The following CACNG5 variants were observed in gnomAD, a reference collection of about 807,000 sequenced individuals.
The protein encoded by CACNG5 is voltage-dependent calcium channel gamma-5 subunit.
A neutral mutation model predicts 24.8 loss-of-function variants in CACNG5; 18 were observed. The ratio of observed to expected loss-of-function variants is 0.73; its 90% confidence interval spans 0.50 to 1.08. The LOEUF is 1.08. Ranked by LOEUF, CACNG5 falls within the 50% of genes least tolerant of loss-of-function variation. CACNG5 has a pLI of 0.00. For synonymous variants in CACNG5, 157 were observed against 149.1 expected, an observed-to-expected ratio of 1.05 and a Z score of -0.39; for missense variants, 349 against 367.9, an observed-to-expected ratio of 0.95 and a Z score of 0.42.
intron 1 of CACNG5, among the ~76,000 whole-genome samples, chr17:66,851,389 G>T (rs1976708314): frequency 6.6e-6 from 1 of 152,232 alleles, no homozygotes; most frequent in Admixed American, 6.5e-5. Flanking sequence ...TTGAGGGGAA[G>T]CCTTGCTGAA....
chr17:66,837,585 C>A (rs1286523197), intron 1 of CACNG5, among the ~76,000 whole-genome samples: 1 of 152,220 alleles, frequency 6.6e-6, no homozygotes, highest in African/African-American at 2.4e-5. Context: ...CACCAAATAT[C>A]ATCCTGTTCC....
chr17:66,841,023 G>A (rs1976559860), intron 1 of CACNG5, among the ~76,000 whole-genome samples: 1 of 152,200 alleles, frequency 6.6e-6, no homozygotes, highest in Non-Finnish European at 1.5e-5. Flanking sequence ...AGTTAATTTA[G>A]GAAGTTGATT....
At position 66,877,286 on chromosome 17, in the gene CACNG5, T is replaced by C. The variant is rs1420464681; in HGVS notation, c.-47T>C. ...CTCCCTAGCCCCAGAGCGCAGTCCG[T>C]GCTGGTGGGAGCGTGGCGACTAGTT... On this transcript the variant is annotated 5_prime_UTR_variant, in exon 2 of 6. Coordinates refer to ENST00000533854, the MANE Select transcript of CACNG5 (RefSeq NM_145811.3). 49 of 1,546,302 alleles carry C rather than the reference T, an allele frequency of 3.2e-5. No homozygotes were observed. The highest frequency in any genetic ancestry group is 4.4e-5 in the Non-Finnish European group (49 of 1,126,070).
intron 1 of CACNG5, among the ~76,000 whole-genome samples, chr17:66,856,485 T>C (rs999381744): frequency 6.6e-6 from 1 of 151,740 alleles, no homozygotes; most frequent in Non-Finnish European, 1.5e-5. Context: ...CTGACATTGA[T>C]ATAGTCAAGG....
intron 1 of CACNG5, among the ~76,000 whole-genome samples, chr17:66,839,394 G>A (rs1020328683): frequency 2.0e-5 from 3 of 152,104 alleles, no homozygotes; most frequent in Non-Finnish European, 2.9e-5. Flanking sequence ...TGTTTCTTAG[G>A]AGCAAGCATT....
intron 1 of CACNG5, among the ~76,000 whole-genome samples, chr17:66,874,800 C>G (rs1486271132): frequency 6.6e-6 from 1 of 152,142 alleles, no homozygotes; most frequent in Non-Finnish European, 1.5e-5. Flanking sequence ...AGTGTAAGTT[C>G]AAGGCTCTGT....
In CACNG5 at chr17:66,893,472, T is replaced by A. The variant is rs1235610730; in HGVS notation, c.*8232T>A. Reference sequence around the variant, plus strand: ...TGGTGGAACCTCGCCACACTCTTGTTCTGGATAAATTGAAGCAACTGGAGA... The same window carrying A: ...TGGTGGAACCTCGCCACACTCTTGTACTGGATAAATTGAAGCAACTGGAGA... On this transcript the variant is annotated 3_prime_UTR_variant, in exon 6 of 6. Transcript: ENST00000533854. Among the ~76,000 whole-genome samples the A allele has an allele frequency of 6.6e-6, 1 of 152,208 alleles. No individual in the cohort carries two copies. The highest frequency in any genetic ancestry group is 2.4e-5 in the African/African-American group (1 of 41,454).
chr17:66,855,950 A>C (rs12945512), intron 1 of CACNG5, among the ~76,000 whole-genome samples: 21,919 of 152,230 alleles, frequency 0.14, 1,891 homozygotes, highest in East Asian at 0.38. Context: ...ATTAGCAAAC[A>C]AACTATTGAT....
At chr17:66,838,979 T>TTTTTTTTA (rs1976524284) in intron 1 of CACNG5, among the ~76,000 whole-genome samples, 1 of 145,830 alleles carries the variant, frequency 6.9e-6, no homozygotes, top group African/African-American at 2.6e-5. Flanking sequence ...TTTTTTTTTT[T>TTTTTTTTA]GAGACAGAGT....
chr17:66,888,492 C>A lies in CACNG5; in HGVS notation c.*3252C>A, dbSNP rs531416018. 1.4e-5 allele frequency among the ~76,000 whole-genome samples: 2 copies of A among 139,868 alleles called. No individual in the cohort carries two copies. Among genetic ancestry groups the A allele is most frequent in the African/African-American group, 5.3e-5 (2 of 37,700 alleles). The allele number at this position is 139,868 out of a possible 152,430, so 91.8% of individuals were successfully genotyped here. On this transcript the variant is annotated 3_prime_UTR_variant, in exon 6 of 6. Transcript: ENST00000533854. ...CTGGGAGGCAGAGCTTGCAGTGAGC[C>A]GAGATCGCACCACTGCACTCCAGCC...
At chr17:66,844,168 A>G (rs565161161) in intron 1 of CACNG5, among the ~76,000 whole-genome samples, 1 of 152,324 alleles carries the variant, frequency 6.6e-6, no homozygotes, top group Non-Finnish European at 1.5e-5. Flanking sequence ...AGTCTTTATA[A>G]GCATCCTGTT....
intron 4 of CACNG5, among the ~76,000 whole-genome samples, chr17:66,882,972 C>A (rs138399210): frequency 7.2e-6 from 1 of 138,116 alleles, no homozygotes; most frequent in Non-Finnish European, 1.6e-5. Flanking sequence ...TCCATCCATC[C>A]ATCAATCCAT....
Position 66,867,046 on chromosome 17 carries a change from C to G in CACNG5, c.-103-10184C>G, listed in dbSNP as rs181622459. Among the ~76,000 whole-genome samples the G allele has an allele frequency of 1.6e-3, 242 of 152,344 alleles. 1 individual carries two copies. The highest frequency in any genetic ancestry group is 5.7e-3 in the African/African-American group (236 of 41,582). ...TCTAGATCCTTGAGGAATATCCATA[C>G]TGTCTTCCAAAATGGTTGAACTAAT... On this transcript the variant is annotated intron_variant, in intron 1 of 5. Coordinates refer to ENST00000533854, the MANE Select transcript of CACNG5 (RefSeq NM_145811.3).
Position 66,888,531 on chromosome 17 carries a change from G to A in CACNG5, c.*3291G>A, listed in dbSNP as rs536462970. 6.4e-4 allele frequency among the ~76,000 whole-genome samples: 75 copies of A among 117,694 alleles called. No individual in the cohort carries two copies. In the Middle Eastern group the frequency reaches 0.026, roughly 41 times the overall value. 77.2% of individuals were successfully genotyped at this position (117,694 alleles called of 152,430 possible). The stretch of plus-strand genomic sequence containing the variant: ...TGCACTCCAGCCTGGGTGACAGAGC[G>A]AGACTCCGTCTCAAAAAAAAAAAAA... On this transcript the variant is annotated 3_prime_UTR_variant, in exon 6 of 6. Transcript: ENST00000533854.
chr17:66,849,898 T>C (rs1976690863), intron 1 of CACNG5, among the ~76,000 whole-genome samples: 1 of 152,224 alleles, frequency 6.6e-6, no homozygotes, highest in Non-Finnish European at 1.5e-5. Flanking sequence ...GTGTGTGATC[T>C]TTTTGCGGTC....
intron 1 of CACNG5, among the ~76,000 whole-genome samples, chr17:66,843,661 C>T (rs917234285): frequency 6.6e-6 from 1 of 152,072 alleles, no homozygotes; most frequent in East Asian, 1.9e-4. Context: ...GGGGGTGGTC[C>T]TGTTCCAGGA....
chr17:66,858,835 G>A (rs934612884), intron 1 of CACNG5, among the ~76,000 whole-genome samples: 12 of 152,164 alleles, frequency 7.9e-5, no homozygotes, highest in Non-Finnish European at 1.6e-4. Context: ...CTTGAGAGAT[G>A]AATTCAAGAT....
At chr17:66,864,118 TATCCTGTTAGA>T in intron 1 of CACNG5, among the ~76,000 whole-genome samples, 1 of 152,312 alleles carries the variant, frequency 6.6e-6, no homozygotes, top group South Asian at 2.1e-4. Context: ...ATCTGTTAGA[TATCCTGTTAGA>T]ATCCTGTTGG....
intron 1 of CACNG5, among the ~76,000 whole-genome samples, chr17:66,840,262 C>T (rs933227562): frequency 1.3e-5 from 2 of 152,208 alleles, no homozygotes; most frequent in Non-Finnish European, 1.5e-5. Context: ...ATCTATTCAC[C>T]GAGCTGCAGC....
Sources: allele counts gnomAD v4.1 joint callset (sites outside exome capture counted in the v4.1 genomes callset), GRCh38; gene constraint gnomAD v4.1.1; transcripts MANE v1.5; gene names NCBI Gene and HGNC (gene_info 2026-07-23, HGNC 2026-07-21).